SIGIRR: variants seen among roughly 807,000 people sequenced by gnomAD.
The protein encoded by SIGIRR is single Ig IL-1-related receptor.
A neutral mutation model predicts 45.6 loss-of-function variants in SIGIRR; 41 were observed. The observed-to-expected ratio is 0.90, with a 90% CI of 0.70 to 1.17. SIGIRR has a LOEUF of 1.17. SIGIRR is among the 50% of genes most tolerant of loss of function. The pLI is 0.00. For synonymous variants in SIGIRR, 298 were observed against 239.0 expected, an observed-to-expected ratio of 1.25 and a Z score of -2.28; for missense variants, 599 against 539.6, an observed-to-expected ratio of 1.11 and a Z score of -1.09.
intron 8 of SIGIRR, 52 bp downstream of exon 8, chr11:406,791 G>A (rs910681179): frequency 1.6e-5 from 24 of 1,460,986 alleles, no homozygotes; most frequent in African/African-American, 2.8e-5. Context: ...CCCGGGCACC[G>A]CCCATCTCTA....
intron 6 of SIGIRR, 89 bp downstream of exon 6, chr11:407,318 GGGGGCGGAGCTCGATGGT>G (rs1564888322): frequency 1.1e-6 from 1 of 894,758 alleles, no homozygotes; most frequent in Non-Finnish European, 1.6e-6. Context: ...GGGCGGGGAT[GGGGGCGGAGCTCGATGGT>G]GGGGGTGGGG....
In SIGIRR at chr11:405,890, T is replaced by G. The variant is rs149327987; in HGVS notation, c.*6A>C. The G allele has an allele frequency of 1.2e-5, 19 of 1,586,498 alleles. No individual in the cohort carries two copies. Among genetic ancestry groups the G allele is most frequent in the Admixed American group, 1.7e-5 (1 of 58,860 alleles). On this transcript the variant is annotated 3_prime_UTR_variant, in exon 10 of 10. Transcript: ENST00000431843. ...GTCCCTATGATCCTGCACTCTGGGG[T>G]GGGAGCTACATATCATCCTTGGACA...
In SIGIRR at chr11:408,750, T is replaced by A. The variant is rs1483646755; in HGVS notation, c.151A>T (p.Lys51Ter). The A allele has an allele frequency of 1.9e-6, 3 of 1,612,656 alleles. No homozygotes were observed. The African/African-American group carries it at 4.0e-5, about 22-fold the overall frequency. ...HCSLPSVQWL[K>*]DGLPLGIGGH... ...CCAATTCCCAATGGAAGCCCGTCTTTCAGCCACTGGACTGAAGGCAGGGAG... is the reference window on the plus strand; with the variant it reads ...CCAATTCCCAATGGAAGCCCGTCTTACAGCCACTGGACTGAAGGCAGGGAG... The change falls in exon 3 of 10, where the codon AAA becomes TAA. Residue 51 changes from lysine to a stop codon, truncating the protein, a stop_gained. Transcript: ENST00000431843. LOFTEE classifies it high-confidence loss of function.
chr11:407,777 C>T (rs934476491), intron 5 of SIGIRR, 40 bp downstream of exon 5: 2 of 1,610,126 alleles, frequency 1.2e-6, no homozygotes, highest in Non-Finnish European at 8.5e-7. Context: ...TCAGGGAGGC[C>T]GTGGCGACCC....
intron 9 of SIGIRR, 99 bp downstream of exon 9, chr11:406,250 C>T: frequency 6.5e-7 from 1 of 1,547,614 alleles, no homozygotes; most frequent in Non-Finnish European, 8.7e-7. Context: ...GAAGAGTCCT[C>T]AACACCTGGA....
Position 405,956 on chromosome 11 carries a change from G to A in SIGIRR, c.1173C>T (p.Gly391=), listed in dbSNP as rs763601853. 2 of 1,612,190 alleles carry A rather than the reference G, an allele frequency of 1.2e-6. No individual in the cohort carries two copies. The highest frequency in any genetic ancestry group is 1.7e-5 in the Admixed American group (1 of 59,990). The change falls in exon 10 of 10, where the codon GGC becomes GGT. Residue 391 remains glycine (G), a synonymous_variant. Coordinates refer to ENST00000431843, the MANE Select transcript of SIGIRR (RefSeq NM_001135054.2). ...CTGTGCGGGCACTGTAGTTTCGCGAGCCGAGATCCGAGACGTCCACTTCGC... is the reference window on the plus strand; with the variant it reads ...CTGTGCGGGCACTGTAGTTTCGCGAACCGAGATCCGAGACGTCCACTTCGC... ...RSSEVDVSDL[G]SRNYSARTDF... is the part of the protein sequence containing the mutation.
intron 6 of SIGIRR, 48 bp downstream of exon 6, chr11:407,377 G>GGGGCA (rs1847385088): frequency 2.7e-6 from 4 of 1,467,456 alleles, no homozygotes; most frequent in Admixed American, 2.1e-5. Context: ...GGGGCGGGGC[G>GGGGCA]GGGCGGGCCC....
intron 6 of SIGIRR, 34 bp downstream of exon 6, chr11:407,390 CG>C (rs1443806482): frequency 2.0e-6 from 2 of 1,005,366 alleles, no homozygotes; most frequent in East Asian, 8.3e-5. Context: ...GCGGGCCCTC[CG>C]GGTGGGCGGG....
chr11:409,908 G>C lies in SIGIRR; in HGVS notation c.-34C>G. ...GCCGGGGCCTCCTCGGGGCAGGCTG[G>C]GCTCCAGGGTCACCCCTGGCTCCAC... is the stretch of plus-strand genomic sequence containing the variant. On this transcript the variant is annotated 5_prime_UTR_variant, in exon 2 of 10. Transcript: ENST00000431843. The C allele has an allele frequency of 7.7e-7, 1 of 1,302,888 alleles. No homozygotes were observed. The highest frequency in any genetic ancestry group is 9.8e-7 in the Non-Finnish European group (1 of 1,018,760). The allele number at this position is 1,302,888 out of a possible 1,614,324, so 80.7% of individuals were successfully genotyped here.
At position 406,848 on chromosome 11, in the gene SIGIRR, A is replaced by C. The variant is rs1407597112; in HGVS notation, c.874T>G (p.Ser292Ala). The C allele has an allele frequency of 6.4e-7, 1 of 1,559,024 alleles. No homozygotes were observed. Among genetic ancestry groups the C allele is most frequent in the African/African-American group, 1.4e-5 (1 of 73,976 alleles). The part of the protein sequence containing the change: ...LVTLLLWRPG[S>A]VTPSSDFWKE... ...CTCCCGCGCCTGCTCCGCACCACGG[A>C]GCCGGGCCTCCAGAGCAGCAAGGTC... Residue 292 changes from serine (S) to alanine (A), a missense_variant, in exon 8 of 10, where the codon TCC becomes GCC. Ser to Ala is a moderately conservative substitution (Grantham distance 99). Transcript: ENST00000431843.
In SIGIRR at chr11:414,863, T is replaced by C. The variant is rs925080666; in HGVS notation, c.-194A>G. On this transcript the variant is annotated 5_prime_UTR_variant, in exon 1 of 10. An upstream start codon of the reference 5' UTR is lost. Coordinates refer to ENST00000431843, the MANE Select transcript of SIGIRR (RefSeq NM_001135054.2). ...TCCTCCGGGGGGCAAATGTTGGTCA[T>C]TGGTGCGCCTTTGGGAGCAAACTCT... is the stretch of plus-strand genomic sequence containing the variant. 6.1e-6 allele frequency: 6 copies of C among 985,430 alleles called. No homozygotes were observed. Among genetic ancestry groups the C allele is most frequent in the South Asian group, 4.7e-5 (1 of 21,298 alleles). The allele number at this position is 985,430 out of a possible 1,614,324, so 61.0% of individuals were successfully genotyped here.
chr11:410,606 G>A (rs1365971925), intron 1 of SIGIRR, among the ~76,000 whole-genome samples: 1 of 85,750 alleles, frequency 1.2e-5, no homozygotes, highest in Non-Finnish European at 2.1e-5. Flanking sequence ...CTCTGACCAT[G>A]TCTGGATGCA....
At chr11:410,761 G>C (rs1847569220) in intron 1 of SIGIRR, among the ~76,000 whole-genome samples, 1 of 51,516 alleles carries the variant, frequency 1.9e-5, no homozygotes, top group African/African-American at 8.8e-5. Context: ...GCCCAGCTCT[G>C]ACCATGTCTG....
At chr11:407,190 G>A (rs1414911838) in intron 6 of SIGIRR, 26 bp from the exon 7 acceptor site, 8 of 1,109,594 alleles carry the variant, frequency 7.2e-6, no homozygotes, top group Non-Finnish European at 9.7e-6. Context: ...CGTCGGCGGC[G>A]CAGGGGCGGG....
At chr11:407,371 C>A (rs190799462) in intron 6 of SIGIRR, 54 bp downstream of exon 6, 3 of 766,632 alleles carry the variant, frequency 3.9e-6, no homozygotes, top group Non-Finnish European at 5.1e-6. Flanking sequence ...GAGCATGGGG[C>A]GGGGCGGGGC....
At chr11:412,949 A>C (rs1387722415) in intron 1 of SIGIRR, among the ~76,000 whole-genome samples, 1 of 152,040 alleles carries the variant, frequency 6.6e-6, no homozygotes, top group South Asian at 2.1e-4. Flanking sequence ...AAGTCTCCCA[A>C]AGCTCCTCAG....
intron 2 of SIGIRR, 46 bp from the exon 3 acceptor site, chr11:408,939 C>A (rs567899455): frequency 1.8e-4 from 285 of 1,571,154 alleles, no homozygotes; most frequent in Non-Finnish European, 2.3e-4. Flanking sequence ...GGGTGCCTGG[C>A]CCCACCACCT....
At chr11:415,077 G>T (rs1046867987), upstream of SIGIRR, 1 of 164,164 alleles carries the variant, frequency 6.1e-6, no homozygotes. This position sits in a 1 kb window ranked among gnomAD's most constrained non-coding sequence, Gnocchi z 6.6. Flanking sequence ...TTCCCTAGGC[G>T]GGCGGGAGGA....
At chr11:415,314 C>A (rs1847852905), upstream of SIGIRR, among the ~76,000 whole-genome samples, 1 of 146,308 alleles carries the variant, frequency 6.8e-6, no homozygotes, top group Non-Finnish European at 1.5e-5. This position sits in a 1 kb window ranked among gnomAD's most constrained non-coding sequence, Gnocchi z 6.6. Context: ...TGTGTGTGTG[C>A]GTGTGTGTTG....
Sources: allele counts gnomAD v4.1 joint callset (sites outside exome capture counted in the v4.1 genomes callset), GRCh38; gene constraint gnomAD v4.1.1; non-coding constraint Gnocchi (gnomAD v3.1); transcripts MANE v1.5; gene names NCBI Gene and HGNC (gene_info 2026-07-23, HGNC 2026-07-21).